PAX5: variants seen among roughly 807,000 people sequenced by gnomAD.
PAX5 encodes paired box protein Pax-5.
A neutral mutation model predicts 43.7 loss-of-function variants in PAX5; 9 were observed. That is an observed-to-expected ratio of 0.21 (90% CI 0.12 to 0.36). The LOEUF (loss-of-function observed/expected upper bound fraction) is 0.36. PAX5 is among the 10% of genes least tolerant of loss of function. PAX5 has a pLI of 1.00. For missense variants in PAX5, 383 were observed against 532.7 expected (o/e 0.72, Z 2.77); for synonymous variants, 228 against 214.3 (o/e 1.06, Z -0.56).
intron 5 of PAX5, among the ~76,000 whole-genome samples, chr9:36,974,986 T>TC (rs1835299542): frequency 6.6e-6 from 1 of 152,076 alleles, no homozygotes. Flanking sequence ...TGCCCTTCTC[T>TC]CCTGCCCAGC....
In PAX5 at chr9:36,949,006, T is replaced by C. The variant is rs569275276; in HGVS notation, c.780+17543A>G. ...CTATGGGCTGAACCCTCTGTCAAAC[T>C]TTGTTTAATCAGTACAACCACCTAC... On this transcript the variant is annotated intron_variant, in intron 6 of 9. Coordinates refer to ENST00000358127, the MANE Select transcript of PAX5 (RefSeq NM_016734.3). 2.0e-4 allele frequency among the ~76,000 whole-genome samples: 31 copies of C among 152,338 alleles called. 1 individual carries two copies. In the South Asian group the frequency reaches 6.2e-3, roughly 31 times the overall value.
At chr9:36,944,239 T>C (rs1458484659) in intron 6 of PAX5, among the ~76,000 whole-genome samples, 1 of 152,126 alleles carries the variant, frequency 6.6e-6, no homozygotes, top group Non-Finnish European at 1.5e-5. Context: ...AACAAACACA[T>C]GGGGCACGCT....
At chr9:36,961,993 C>T (rs1834019608) in intron 6 of PAX5, among the ~76,000 whole-genome samples, 2 of 152,216 alleles carry the variant, frequency 1.3e-5, no homozygotes. Context: ...ACGCCTTCCA[C>T]CCAGGGCAAA....
At position 36,909,857 on chromosome 9, in the gene PAX5, C is replaced by T. The variant is rs889556807; in HGVS notation, c.910+13498G>A. Reference sequence around the variant, plus strand: ...TTTTTTTAGATATAGGGTTTCGATCCTTTGCCCAGGCTGGAGTGCAGTGGC... The same window carrying T: ...TTTTTTTAGATATAGGGTTTCGATCTTTTGCCCAGGCTGGAGTGCAGTGGC... On this transcript the variant is annotated intron_variant, in intron 7 of 9. Coordinates refer to ENST00000358127, the MANE Select transcript of PAX5 (RefSeq NM_016734.3). Among the ~76,000 whole-genome samples the T allele has an allele frequency of 2.7e-5, 3 of 112,054 alleles. 1 individual carries two copies. The highest frequency in any genetic ancestry group is 5.9e-4 in the South Asian group (2 of 3,402). The allele number at this position is 112,054 out of a possible 152,430, so 73.5% of individuals were successfully genotyped here.
At chr9:36,968,450 C>T (rs936593635) in intron 5 of PAX5, among the ~76,000 whole-genome samples, 4 of 152,240 alleles carry the variant, frequency 2.6e-5, no homozygotes, top group African/African-American at 7.2e-5. Flanking sequence ...TTTGGCCTTT[C>T]GGATCCCTCG....
At chr9:36,964,594 C>CAA (rs745521933) in intron 6 of PAX5, among the ~76,000 whole-genome samples, 47 of 49,644 alleles carry the variant, frequency 9.5e-4, no homozygotes, top group African/African-American at 2.7e-3. Context: ...CTCCAGCTCA[C>CAA]AAAAAAAAAA....
chr9:36,878,419 A>G (rs2131741009), intron 8 of PAX5, among the ~76,000 whole-genome samples: 1 of 152,352 alleles, frequency 6.6e-6, no homozygotes, highest in Middle Eastern at 3.4e-3. Context: ...AGCCAGGCAC[A>G]AGCATCTTCC....
At chr9:36,907,225 C>T (rs565959063) in intron 7 of PAX5, among the ~76,000 whole-genome samples, 1 of 152,290 alleles carries the variant, frequency 6.6e-6, no homozygotes, top group South Asian at 2.1e-4. Flanking sequence ...TTAAATGAAC[C>T]AAAGTACATA....
rs113476434 is a variant in PAX5 at position 36,834,382 on chromosome 9, G to C, written c.*6178C>G. 57 of 232,896 alleles carry C rather than the reference G, an allele frequency of 2.4e-4. No homozygotes were observed. Among genetic ancestry groups the C allele is most frequent in the African/African-American group, 1.2e-3 (55 of 45,226 alleles). 14.4% of individuals were successfully genotyped at this position (232,896 alleles called of 1,614,324 possible). A position where few individuals can be genotyped will look rare whatever the true frequency, so the allele number is the denominator to read the frequency against. ...TGGGGAGACTCAGTGCTGTTTCTGA[G>C]TTTCAAGTATGTCTGAGGTGTAGGG... On this transcript the variant is annotated 3_prime_UTR_variant, in exon 10 of 10. Transcript: ENST00000358127.
chr9:36,966,238 G>A (rs747086028), intron 6 of PAX5, among the ~76,000 whole-genome samples: 9 of 152,140 alleles, frequency 5.9e-5, no homozygotes, highest in South Asian at 4.1e-4. Flanking sequence ...TACGTGGCCC[G>A]AAAGATCATT....
intron 6 of PAX5, among the ~76,000 whole-genome samples, chr9:36,924,490 C>T (rs575046489): frequency 1.3e-5 from 2 of 152,052 alleles, no homozygotes; most frequent in Non-Finnish European, 2.9e-5. Context: ...GAGGCCAAAG[C>T]GGGTGGATCA....
At chr9:37,017,800 C>T (rs1248243654) in intron 2 of PAX5, among the ~76,000 whole-genome samples, 4 of 152,234 alleles carry the variant, frequency 2.6e-5, no homozygotes, top group African/African-American at 4.8e-5. Flanking sequence ...AGGTCTCTGT[C>T]GTCCTTTTGA....
intron 5 of PAX5, among the ~76,000 whole-genome samples, chr9:36,996,301 T>C (rs150221064): frequency 6.6e-6 from 1 of 152,400 alleles, no homozygotes; most frequent in African/African-American, 2.4e-5. Context: ...CTTCATTTTA[T>C]TCTCACTGTA....
chr9:36,900,606 A>G (rs1056621434), intron 7 of PAX5, among the ~76,000 whole-genome samples: 19 of 152,184 alleles, frequency 1.2e-4, no homozygotes, highest in Admixed American at 1.2e-3. Context: ...GGGAGTGTCA[A>G]TCACCACTCA....
intron 7 of PAX5, among the ~76,000 whole-genome samples, chr9:36,909,102 T>G (rs1348716823): frequency 7.2e-5 from 11 of 152,190 alleles, no homozygotes; most frequent in Admixed American, 6.5e-4. Context: ...TTCCAAACAC[T>G]AAGATTCCAA....
intron 6 of PAX5, among the ~76,000 whole-genome samples, chr9:36,945,078 C>T (rs929058447): frequency 4.6e-5 from 7 of 152,174 alleles, no homozygotes; most frequent in East Asian, 1.9e-4. Context: ...AGACCTCCAA[C>T]GCACAGATCT....
At chr9:36,930,918 G>C (rs1296514123) in intron 6 of PAX5, 5 of 1,148,234 alleles carry the variant, frequency 4.4e-6, no homozygotes, top group Admixed American at 4.6e-5. Context: ...GCTGCACCAA[G>C]TATTGTCTCA....
chr9:36,977,000 C>T (rs529539984), intron 5 of PAX5, among the ~76,000 whole-genome samples: 25 of 152,192 alleles, frequency 1.6e-4, no homozygotes, highest in Non-Finnish European at 3.2e-4. Flanking sequence ...GCCCTTCCCA[C>T]CAGAGCTAGA....
chr9:37,016,102 G>T (rs1839362036), intron 2 of PAX5, among the ~76,000 whole-genome samples: 1 of 152,174 alleles, frequency 6.6e-6, no homozygotes, highest in Non-Finnish European at 1.5e-5. Flanking sequence ...GATTCATCAA[G>T]GTTAAACAGT....
Sources: allele counts gnomAD v4.1 joint callset (sites outside exome capture counted in the v4.1 genomes callset), GRCh38; gene constraint gnomAD v4.1.1; transcripts MANE v1.5; gene names NCBI Gene and HGNC (gene_info 2026-07-23, HGNC 2026-07-21).